Variants in CD84 observed in about 807,000 individuals in gnomAD.
CD84 encodes the protein CD84 molecule.
In CD84, 22 loss-of-function variants were observed where a neutral mutation model predicts 33.8. The observed-to-expected ratio is 0.65, with a 90% CI of 0.46 to 0.93. The LOEUF (loss-of-function observed/expected upper bound fraction) is 0.93, where lower values mean the gene tolerates loss of function less well. Among genes scored for constraint, CD84 ranks in the 40% least tolerant of loss-of-function variants. The probability of loss-of-function intolerance (pLI) is 0.00; values close to 1 mark genes in which losing one functional copy is unlikely to be tolerated. For synonymous variants in CD84, 154 were observed against 145.2 expected (o/e 1.06, Z -0.44); for missense variants, 400 against 397.6 (o/e 1.01, Z -0.05).
intron 1 of CD84, among the ~76,000 whole-genome samples, chr1:160,568,663 C>T (rs1657478296): frequency 6.6e-6 from 1 of 152,150 alleles, no homozygotes; most frequent in African/African-American, 2.4e-5. Flanking sequence ...CACTGTCACC[C>T]ACGCTGGAGT....
rs770304404 is a variant in CD84 at position 160,565,580 on chromosome 1, G to A, written c.212C>T (p.Ala71Val). 1.7e-5 allele frequency: 27 copies of A among 1,613,854 alleles called. No individual in the cohort carries two copies. In the African/African-American group the frequency reaches 3.3e-4, roughly 20 times the overall value. ...AYVTPGDSET[A>V]PVVTVTHRNY... ...TCTGTGGGTCACAGTAACTACGGGT[G>A]CTGTTTCTGAGTCTCCTGGTGTTAC... The change falls in exon 2 of 7, where the codon GCA becomes GTA. Residue 71 changes from alanine (A) to valine (V), a missense_variant. Transcript: ENST00000368054.
intron 2 of CD84, among the ~76,000 whole-genome samples, chr1:160,555,920 G>T (rs1656578888): frequency 6.6e-6 from 1 of 152,168 alleles, no homozygotes; most frequent in Admixed American, 6.5e-5. Flanking sequence ...CTTTTAGAGG[G>T]ATCTATTCCA....
chr1:160,567,083 G>A lies in CD84; in HGVS notation c.47-1338C>T, dbSNP rs571440241. 3.5e-4 allele frequency among the ~76,000 whole-genome samples: 53 copies of A among 152,246 alleles called. 1 individual carries two copies. Among genetic ancestry groups the A allele is most frequent in the Middle Eastern group, 3.4e-3 (1 of 294 alleles). ...ACGTGGGCCTTGACCAATCAGAAAG[G>A]GTGTTAGCCATAAACAAACTAGTTG... On this transcript the variant is annotated intron_variant, in intron 1 of 6. Transcript: ENST00000368054.
At chr1:160,566,326 C>A (rs1051954226) in intron 1 of CD84, among the ~76,000 whole-genome samples, 1 of 152,132 alleles carries the variant, frequency 6.6e-6, no homozygotes, top group African/African-American at 2.4e-5. Flanking sequence ...TATTCCTAGT[C>A]TCTAGAAGAG....
intron 5 of CD84, among the ~76,000 whole-genome samples, chr1:160,550,239 C>T (rs1174736829): frequency 6.6e-6 from 1 of 151,938 alleles, no homozygotes; most frequent in Non-Finnish European, 1.5e-5. Context: ...TCCCATGGTT[C>T]AGGATGAGTC....
intron 6 of CD84, 77 bp downstream of exon 6, chr1:160,549,840 C>T: frequency 9.1e-7 from 1 of 1,096,126 alleles, no homozygotes; most frequent in Non-Finnish European, 1.4e-6. Context: ...CAGCTAGCCC[C>T]TGGTTGGATG....
intron 1 of CD84, among the ~76,000 whole-genome samples, chr1:160,573,790 T>C (rs151101885): frequency 7.8e-4 from 119 of 152,284 alleles, no homozygotes; most frequent in Non-Finnish European, 1.4e-3. Flanking sequence ...GCTACTATAA[T>C]GCAATTATCA....
chr1:160,555,105 G>A lies in CD84; in HGVS notation c.389-959C>T, dbSNP rs533915873. ...TCTTTTTTTTTTTTTTTTTGAGACG[G>A]AGTCTTGCTCTGTCACCCAGGCTGG... is the stretch of plus-strand genomic sequence containing the variant. On this transcript the variant is annotated intron_variant, in intron 2 of 6. Transcript: ENST00000368054. Among the ~76,000 whole-genome samples, 18 of 148,352 alleles carry A rather than the reference G, an allele frequency of 1.2e-4. No homozygotes were observed. The South Asian group carries it at 3.8e-3, about 32-fold the overall frequency.
chr1:160,564,600 T>G (rs1438305548), intron 2 of CD84, among the ~76,000 whole-genome samples: 2 of 152,194 alleles, frequency 1.3e-5, no homozygotes, highest in Non-Finnish European at 2.9e-5. Flanking sequence ...AAACTATTAG[T>G]ACACACAAGA....
chr1:160,554,922 G>A (rs1036218172), intron 2 of CD84, among the ~76,000 whole-genome samples: 4 of 140,534 alleles, frequency 2.8e-5, no homozygotes, highest in African/African-American at 1.3e-4. Flanking sequence ...TTACAATAAA[G>A]ACTATTATAT....
intron 1 of CD84, among the ~76,000 whole-genome samples, chr1:160,568,049 G>A (rs1297069824): frequency 2.0e-5 from 3 of 152,204 alleles, no homozygotes; most frequent in East Asian, 1.9e-4. Flanking sequence ...GATCTCCCAC[G>A]TCTCAAGTCT....
intron 1 of CD84, among the ~76,000 whole-genome samples, chr1:160,578,815 A>G (rs1234856466): frequency 6.6e-6 from 1 of 152,156 alleles, no homozygotes; most frequent in Non-Finnish European, 1.5e-5. Context: ...GACTATTTGT[A>G]AAAAATGGGA....
In CD84 at chr1:160,565,670, A is replaced by C; in HGVS notation, c.122T>G (p.Val41Gly). 6.2e-7 allele frequency: 1 copy of C among 1,613,854 alleles called. No homozygotes were observed. The highest frequency in any genetic ancestry group is 8.5e-7 in the Non-Finnish European group (1 of 1,179,856). Residue 41 changes from valine (V) to glycine (G), a missense_variant, in exon 2 of 7, where the codon GTA becomes GGA. Coordinates refer to ENST00000368054, the MANE Select transcript of CD84 (RefSeq NM_003874.4). Reference protein sequence around the residue: ...GILGESVTFPVNIQEPRQVKI... With the variant: ...GILGESVTFPGNIQEPRQVKI... Reference sequence around the variant, plus strand: ...AACTTGCCGTGGTTCTTGGATATTTACAGGGAAAGTGACTGACTCTCCCAG... The same window carrying C: ...AACTTGCCGTGGTTCTTGGATATTTCCAGGGAAAGTGACTGACTCTCCCAG...
chr1:160,573,575 A>T (rs1222844919), intron 1 of CD84, among the ~76,000 whole-genome samples: 1 of 152,270 alleles, frequency 6.6e-6, no homozygotes, highest in Non-Finnish European at 1.5e-5. Flanking sequence ...TCTTTTCAGC[A>T]GTCCCCCACT....
rs552991721 is a variant in CD84, at chr1:160,555,398, AT to A, written c.389-1253del. Reference sequence around the variant, plus strand: ...GCACCCAGCCAAAATAATCTTTAAAATTTTTTTTCATTCTGTTTTCTGGTGT... The same window carrying A: ...GCACCCAGCCAAAATAATCTTTAAAATTTTTTTCATTCTGTTTTCTGGTGT... On this transcript the variant is annotated intron_variant, in intron 2 of 6. Transcript: ENST00000368054. Among the ~76,000 whole-genome samples the A allele has an allele frequency of 2.5e-3, 373 of 151,816 alleles. 2 individuals are homozygous for A. Among genetic ancestry groups the A allele is most frequent in the Middle Eastern group, 0.01 (3 of 294 alleles).
chr1:160,553,485 C>T lies in CD84; in HGVS notation c.653G>A (p.Gly218Asp). The T allele has an allele frequency of 1.2e-6, 2 of 1,614,022 alleles. No homozygotes were observed. The highest frequency in any genetic ancestry group is 1.7e-6 in the Non-Finnish European group (2 of 1,179,984). The change falls in exon 4 of 7, where the codon GGC becomes GAC. Residue 218 changes from glycine to aspartate, a missense_variant. Physicochemically the swap from Gly to Asp is moderately conservative, Grantham distance 94. Transcript: ENST00000368054. Reference sequence around the variant, plus strand: ...CAACCCGGTGTGGTGAGTACGGAAGCCCATTGCGATGTCTGGAAATAGAAG... The same window carrying T: ...CAACCCGGTGTGGTGAGTACGGAAGTCCATTGCGATGTCTGGAAATAGAAG... Reference protein sequence around the residue: ...ARQLCADIAMGFRTHHTGLLS... With the variant: ...ARQLCADIAMDFRTHHTGLLS...
rs1039594186 is a variant in CD84 at position 160,543,680 on chromosome 1, A to G, written c.*4576T>C. 3.3e-5 allele frequency: 5 copies of G among 150,952 alleles called. No individual in the cohort carries two copies. Among genetic ancestry groups the G allele is most frequent in the African/African-American group, 1.2e-4 (5 of 41,248 alleles). 9.4% of individuals were successfully genotyped at this position (150,952 alleles called of 1,614,324 possible). On this transcript the variant is annotated 3_prime_UTR_variant, in exon 7 of 7. Coordinates refer to ENST00000368054, the MANE Select transcript of CD84 (RefSeq NM_003874.4). The stretch of plus-strand genomic sequence containing the variant: ...GTCTAACTGGGGAGGCAGATATAGC[A>G]TCAGGTAAGTAGACTGTGGTATAAT...
chr1:160,553,883 A>G lies in CD84; in HGVS notation c.640+12T>C, dbSNP rs1656415372. The G allele has an allele frequency of 8.7e-6, 14 of 1,614,218 alleles. No individual in the cohort carries two copies. Among genetic ancestry groups the G allele is most frequent in the Middle Eastern group, 3.3e-4 (2 of 6,062 alleles). ...CTGAGACTCACCAGGAGAGATGGGCAGAGCTGGTTACCTGCACAGAGCTGC... is the reference window on the plus strand; with the variant it reads ...CTGAGACTCACCAGGAGAGATGGGCGGAGCTGGTTACCTGCACAGAGCTGC... On this transcript the variant is annotated intron_variant, in intron 3 of 6. Coordinates refer to ENST00000368054, the MANE Select transcript of CD84 (RefSeq NM_003874.4).
At position 160,546,954 on chromosome 1, in the gene CD84, C is replaced by A. The variant is rs1156372878; in HGVS notation, c.*1302G>T. On this transcript the variant is annotated 3_prime_UTR_variant, in exon 7 of 7. Transcript: ENST00000368054. The stretch of plus-strand genomic sequence containing the variant: ...GATGTCTTTATCTGCCTAATTGCAG[C>A]CCATTGCTGTCCAGCCTAGGACTAT... 1 of 394,118 alleles carries A rather than the reference C, an allele frequency of 2.5e-6. No homozygotes were observed. Among genetic ancestry groups the A allele is most frequent in the Non-Finnish European group, 4.5e-6 (1 of 223,788 alleles). 24.4% of individuals were successfully genotyped at this position (394,118 alleles called of 1,614,324 possible).
Sources: allele counts gnomAD v4.1 joint callset (sites outside exome capture counted in the v4.1 genomes callset), GRCh38; gene constraint gnomAD v4.1.1; transcripts MANE v1.5; gene names NCBI Gene and HGNC (gene_info 2026-07-23, HGNC 2026-07-21).